The following ATP2C1 variants were observed in gnomAD, a reference collection of about 807,000 sequenced individuals.
ATP2C1 encodes the protein ATPase secretory pathway Ca2+ transporting 1.
In ATP2C1, 31 loss-of-function variants were observed where a neutral mutation model predicts 120.5. The ratio of observed to expected loss-of-function variants is 0.26; its 90% confidence interval spans 0.19 to 0.35. ATP2C1 has a LOEUF of 0.35. Among genes scored for constraint, ATP2C1 ranks in the 10% least tolerant of loss-of-function variants. The pLI, the probability that ATP2C1 is intolerant of heterozygous loss-of-function variation, is 1.00. For synonymous variants in ATP2C1, 351 were observed against 358.7 expected, an observed-to-expected ratio of 0.98 and a Z score of 0.24; for missense variants, 731 against 1,107.5, an observed-to-expected ratio of 0.66 and a Z score of 4.83.
chr3:130,954,020 A>G (rs952178682), intron 9 of ATP2C1, 44 bp downstream of exon 9: 1 of 1,603,916 alleles, frequency 6.2e-7, no homozygotes, highest in African/African-American at 1.3e-5. Flanking sequence ...CCTTTGTTTG[A>G]AACTATTTTC....
chr3:130,930,218 T>C, intron 2 of ATP2C1, 198 bp from the exon 3 acceptor site: 1 of 594,022 alleles, frequency 1.7e-6, no homozygotes, highest in Non-Finnish European at 3.1e-6. Context: ...GGCTTAGTTT[T>C]TGAAATGTAA....
At chr3:130,897,407 A>G (rs1221017129) in intron 2 of ATP2C1, among the ~76,000 whole-genome samples, 1 of 152,210 alleles carries the variant, frequency 6.6e-6, no homozygotes, top group African/African-American at 2.4e-5. Flanking sequence ...TGTAAATGAG[A>G]TAATGCCCTC....
At chr3:130,992,803 A>C (rs2062417085) in intron 20 of ATP2C1, 148 bp from the exon 21 acceptor site, 3 of 676,126 alleles carry the variant, frequency 4.4e-6, no homozygotes, top group Non-Finnish European at 8.1e-6. Context: ...GTCTTAACAA[A>C]CATATGTCAT....
chr3:130,952,272 A>G (rs1464850230), intron 8 of ATP2C1, among the ~76,000 whole-genome samples: 1 of 152,140 alleles, frequency 6.6e-6, no homozygotes, highest in African/African-American at 2.4e-5. Flanking sequence ...TGATTATCCT[A>G]CTGTGTATGA....
At chr3:130,856,496 A>G (rs1294029188) in intron 1 of ATP2C1, among the ~76,000 whole-genome samples, 1 of 152,240 alleles carries the variant, frequency 6.6e-6, no homozygotes, top group African/African-American at 2.4e-5. Context: ...TTTTAGCTCC[A>G]TAAAGTCAGT....
intron 12 of ATP2C1, among the ~76,000 whole-genome samples, chr3:130,960,880 A>G (rs1045761827): frequency 2.6e-5 from 4 of 152,170 alleles, no homozygotes; most frequent in Admixed American, 1.3e-4. Context: ...AGATGATAAT[A>G]GACATAAGAA....
chr3:130,962,408 CCTGTTAGAAAT>C (rs1270226965), intron 12 of ATP2C1, among the ~76,000 whole-genome samples: 1 of 151,768 alleles, frequency 6.6e-6, no homozygotes, highest in African/African-American at 2.4e-5. Flanking sequence ...TAAGCTAGCG[CCTGTTAGAAAT>C]ATTTTTTGAA....
intron 14 of ATP2C1, among the ~76,000 whole-genome samples, chr3:130,966,544 G>T (rs1315031549): frequency 6.6e-6 from 1 of 152,040 alleles, no homozygotes; most frequent in Admixed American, 6.6e-5. Flanking sequence ...ACAGATGTGA[G>T]CCACCACACC....
At chr3:130,864,334 C>G (rs1458010052) in intron 1 of ATP2C1, among the ~76,000 whole-genome samples, 1 of 152,182 alleles carries the variant, frequency 6.6e-6, no homozygotes, top group African/African-American at 2.4e-5. Flanking sequence ...TGCAAACATT[C>G]AAGAGGTGAC....
chr3:130,976,141 G>A (rs1458931005), intron 18 of ATP2C1, among the ~76,000 whole-genome samples: 3 of 152,138 alleles, frequency 2.0e-5, no homozygotes, highest in East Asian at 1.9e-4. Context: ...GGAAGAGTTG[G>A]CTTCCTTAAT....
At chr3:130,900,583 A>G (rs989395050) in intron 2 of ATP2C1, among the ~76,000 whole-genome samples, 2 of 152,140 alleles carry the variant, frequency 1.3e-5, no homozygotes, top group Admixed American at 6.5e-5. Context: ...TTTTTTTTGA[A>G]TATGTAAATG....
intron 20 of ATP2C1, among the ~76,000 whole-genome samples, chr3:130,989,265 A>C: frequency 2.0e-5 from 3 of 148,270 alleles, no homozygotes; most frequent in African/African-American, 7.5e-5. Flanking sequence ...AAAAAAACAA[A>C]AAAACAAACA....
chr3:130,882,038 A>G (rs2068800225), intron 1 of ATP2C1, among the ~76,000 whole-genome samples: 1 of 152,156 alleles, frequency 6.6e-6, no homozygotes, highest in Non-Finnish European at 1.5e-5. Flanking sequence ...TTAGATGTTA[A>G]AGAACATTTC....
At chr3:130,852,194 G>A (rs1049075311) in intron 1 of ATP2C1, among the ~76,000 whole-genome samples, 1 of 152,146 alleles carries the variant, frequency 6.6e-6, no homozygotes, top group African/African-American at 2.4e-5. Context: ...GATGTAGAAA[G>A]CTAGAGAACC....
chr3:130,980,721 C>A, intron 20 of ATP2C1, 42 bp downstream of exon 20: 1 of 1,367,902 alleles, frequency 7.3e-7, no homozygotes, highest in Non-Finnish European at 1.0e-6. Flanking sequence ...AGGCCTTATT[C>A]TAAGTGTTAC....
intron 8 of ATP2C1, among the ~76,000 whole-genome samples, chr3:130,944,006 T>C (rs1021982972): frequency 2.6e-5 from 4 of 152,238 alleles, no homozygotes; most frequent in African/African-American, 9.6e-5. Context: ...TACTACTGTA[T>C]GAAATAAACT....
chr3:130,954,952 T>C (rs776609991), intron 9 of ATP2C1, 60 bp from the exon 10 acceptor site: 42 of 1,120,806 alleles, frequency 3.7e-5, no homozygotes, highest in Non-Finnish European at 5.5e-5. Context: ...TGTGTGTGTG[T>C]ATGTGTTTTG....
At chr3:130,919,026 G>A in intron 2 of ATP2C1, 2 of 468,738 alleles carry the variant, frequency 4.3e-6, no homozygotes, top group Non-Finnish European at 4.2e-6. Flanking sequence ...AGCAGTAGCG[G>A]TGGAAGCTCC....
chr3:130,945,849 G>T (rs1469552655), intron 8 of ATP2C1, among the ~76,000 whole-genome samples: 1 of 150,430 alleles, frequency 6.6e-6, no homozygotes, highest in East Asian at 1.9e-4. Context: ...TTTGGATAAA[G>T]AACTCTTTGT....
Sources: allele counts gnomAD v4.1 joint callset (sites outside exome capture counted in the v4.1 genomes callset), GRCh38; gene constraint gnomAD v4.1.1; transcripts MANE v1.5; gene names NCBI Gene and HGNC (gene_info 2026-07-23, HGNC 2026-07-21).